Variants in ZNF821 observed in about 807,000 individuals in gnomAD.
ZNF821 encodes the protein zinc finger protein 821.
ZNF821 carries 16 observed loss-of-function variants against 44.3 expected under a neutral mutation model. The observed-to-expected ratio is 0.36, with a 90% CI of 0.24 to 0.55. The LOEUF (loss-of-function observed/expected upper bound fraction) is 0.55. ZNF821 is among the 20% of genes least tolerant of loss of function. ZNF821 has a pLI of 0.86. For missense variants in ZNF821, 436 were observed against 547.6 expected, an observed-to-expected ratio of 0.80 and a Z score of 2.03; for synonymous variants, 204 against 197.6, an observed-to-expected ratio of 1.03 and a Z score of -0.27.
chr16:71,883,043 G>A (rs1469867396), intron 2 of ZNF821, 168 bp downstream of exon 2: 1 of 450,252 alleles, frequency 2.2e-6, no homozygotes, highest in Non-Finnish European at 4.5e-6. Context: ...AGTTCTGTCT[G>A]TCTTCAGAGC....
rs1249790508 is a variant in ZNF821, at chr16:71,878,255, G to A, written c.40+1652C>T. Among the ~76,000 whole-genome samples the A allele has an allele frequency of 4.6e-5, 7 of 151,518 alleles. No homozygotes were observed. In the East Asian group the frequency reaches 7.8e-4, roughly 17 times the overall value. The stretch of plus-strand genomic sequence containing the variant: ...CCAAGTAGAGTAGCTGGGATTATAG[G>A]TGCCTGCCACCATGCCTGGTTAATT... On this transcript the variant is annotated intron_variant, in intron 3 of 7. Coordinates refer to ENST00000425432, the MANE Select transcript of ZNF821 (RefSeq NM_001201552.2).
upstream of ZNF821, among the ~76,000 whole-genome samples, chr16:71,889,757 C>T (rs576281774): frequency 6.6e-6 from 1 of 152,192 alleles, no homozygotes; most frequent in South Asian, 2.1e-4. Context: ...TAATGCCAGA[C>T]CGGGCAGCAT....
chr16:71,864,611 G>A, intron 5 of ZNF821: 1 of 450,264 alleles, frequency 2.2e-6, no homozygotes, highest in Non-Finnish European at 4.0e-6. Context: ...GTCCACCTTG[G>A]GAAGTCAGCT....
At chr16:71,862,430 A>C (rs192615776) in intron 6 of ZNF821, among the ~76,000 whole-genome samples, 1 of 152,330 alleles carries the variant, frequency 6.6e-6, no homozygotes, top group Non-Finnish European at 1.5e-5. Context: ...AGCCAAGATC[A>C]CACCACTGCA....
upstream of ZNF821, chr16:71,884,616 G>C (rs2036770603): frequency 6.6e-6 from 1 of 152,170 alleles, no homozygotes; most frequent in South Asian, 2.1e-4. Context: ...ATTCCCCCAC[G>C]CTTCGCGGTG....
upstream of ZNF821, among the ~76,000 whole-genome samples, chr16:71,888,140 G>T (rs4788574): frequency 6.6e-6 from 1 of 151,882 alleles, no homozygotes; most frequent in Non-Finnish European, 1.5e-5. Context: ...GCCTCCCAAA[G>T]TGCTGGGATT....
chr16:71,878,023 T>C (rs1306980020), intron 3 of ZNF821, among the ~76,000 whole-genome samples: 1 of 148,888 alleles, frequency 6.7e-6, no homozygotes, highest in Admixed American at 6.7e-5. Context: ...TTTTGTTTTT[T>C]ACAAACTTTT....
At chr16:71,873,665 A>T (rs1339108470) in intron 3 of ZNF821, among the ~76,000 whole-genome samples, 4 of 152,046 alleles carry the variant, frequency 2.6e-5, no homozygotes, top group East Asian at 1.9e-4. Flanking sequence ...ATATATATAT[A>T]TTTTTTGAGA....
In ZNF821 at chr16:71,860,105, G is replaced by T. The variant is rs779896597; in HGVS notation, c.1152C>A (p.Phe384Leu). 6.2e-7 allele frequency: 1 copy of T among 1,614,254 alleles called. No homozygotes were observed. Among genetic ancestry groups the T allele is most frequent in the South Asian group, 1.1e-5 (1 of 91,086 alleles). Residue 384 changes from phenylalanine (F) to leucine (L), a missense_variant, in exon 8 of 8, where the codon TTC (phenylalanine) becomes TTA (leucine). Around this residue, in one of 5 missense-constraint regions of ZNF821, gnomAD observed 55 missense variants for 56.9 expected, o/e 0.97. Transcript: ENST00000425432. This position sits in a 1 kb window ranked among gnomAD's most constrained non-coding sequence, Gnocchi z 7.3. ...MAALAAEMNF[F>L]QLPVSGVELD... ...ACTCCACCCCACTTACAGGCAGCTG[G>T]AAGAAGTTCATTTCAGCTGCTAAGG...
intron 3 of ZNF821, among the ~76,000 whole-genome samples, chr16:71,878,795 G>C (rs1567437226): frequency 6.6e-6 from 1 of 151,966 alleles, no homozygotes; most frequent in Non-Finnish European, 1.5e-5. Context: ...AGCTGGGCAT[G>C]GTGGCGAGCA....
At chr16:71,878,366 C>G (rs1246599219) in intron 3 of ZNF821, among the ~76,000 whole-genome samples, 2 of 151,970 alleles carry the variant, frequency 1.3e-5, no homozygotes, top group East Asian at 1.9e-4. Context: ...TATGGCCCAC[C>G]TCGGCCTCCC....
At chr16:71,876,147 T>C (rs1264357516) in intron 3 of ZNF821, among the ~76,000 whole-genome samples, 1 of 152,206 alleles carries the variant, frequency 6.6e-6, no homozygotes, top group African/African-American at 2.4e-5. Flanking sequence ...TGTGAACCTA[T>C]CATTTCTACT....
At chr16:71,885,160 T>G (rs1377470565), upstream of ZNF821, 1 of 152,804 alleles carries the variant, frequency 6.5e-6, no homozygotes, top group Non-Finnish European at 1.5e-5. Context: ...CCGGCCTGGT[T>G]GGACGCACTT....
intron 1 of ZNF821, chr16:71,890,665 G>A (rs1342484784): frequency 6.6e-6 from 1 of 151,454 alleles, no homozygotes; most frequent in East Asian, 1.9e-4. Flanking sequence ...GGGATTACAG[G>A]TGAGCAAACT....
At position 71,884,147 on chromosome 16, in the gene ZNF821, G is replaced by A. The variant is rs1253958494; in HGVS notation, c.-380C>T. 6.6e-6 allele frequency: 1 copy of A among 152,140 alleles called. No homozygotes were observed. Among genetic ancestry groups the A allele is most frequent in the Non-Finnish European group, 1.5e-5 (1 of 68,066 alleles). 9.4% of individuals were successfully genotyped at this position (152,140 alleles called of 1,614,324 possible). The stretch of plus-strand genomic sequence containing the variant: ...CAGACAGACGGAGGGGGAAAAAGAT[G>A]GCGACGCGGGCGGCGGGAGCGCGCG... On this transcript the variant is annotated 5_prime_UTR_variant, in exon 1 of 8. Transcript: ENST00000425432.
chr16:71,891,169 G>A (rs1300136573), intron 1 of ZNF821, among the ~76,000 whole-genome samples: 1 of 152,174 alleles, frequency 6.6e-6, no homozygotes, highest in East Asian at 1.9e-4. Flanking sequence ...TTGCAGGCCT[G>A]TTATAGATTC....
upstream of ZNF821, chr16:71,884,901 A>G: frequency 7.9e-6 from 1 of 127,090 alleles, no homozygotes; most frequent in African/African-American, 3.0e-5. Context: ...TCTGTCACCC[A>G]GGCTGCAATG....
chr16:71,872,531 T>G (rs995502786), intron 3 of ZNF821, among the ~76,000 whole-genome samples: 2 of 151,876 alleles, frequency 1.3e-5, no homozygotes, highest in Admixed American at 6.6e-5. Context: ...GAGAATGGAG[T>G]GAACTCAGGA....
intron 2 of ZNF821, among the ~76,000 whole-genome samples, chr16:71,882,610 T>C (rs2142483866): frequency 6.6e-6 from 1 of 152,290 alleles, no homozygotes; most frequent in South Asian, 2.1e-4. Context: ...GACCAGATGG[T>C]ACCCAATGGG....
Sources: gnomAD v4.1 joint callset for allele counts (sites outside exome capture counted in the v4.1 genomes callset) on GRCh38, gnomAD v4.1.1 for gene constraint, gnomAD v4.1.1 regional missense constraint, Gnocchi (gnomAD v3.1) non-coding constraint, MANE v1.5 for transcripts, NCBI Gene and HGNC (gene_info 2026-07-23, HGNC 2026-07-21) for gene names.